Variants in PDE7A observed in about 807,000 individuals in gnomAD.
PDE7A encodes high affinity 3',5'-cyclic-AMP phosphodiesterase 7A.
PDE7A carries 39 observed loss-of-function variants against 64.3 expected under a neutral mutation model. That is an observed-to-expected ratio of 0.61 (90% CI 0.47 to 0.79). The LOEUF is 0.79. Ranked by LOEUF, PDE7A falls within the 30% of genes least tolerant of loss-of-function variation. The pLI is 0.00. For missense variants in PDE7A, 470 were observed against 582.8 expected, an observed-to-expected ratio of 0.81 and a Z score of 1.99; for synonymous variants, 203 against 206.8, an observed-to-expected ratio of 0.98 and a Z score of 0.16.
At chr8:65,784,405 A>C (rs1207078014) in intron 1 of PDE7A, among the ~76,000 whole-genome samples, 1 of 152,202 alleles carries the variant, frequency 6.6e-6, no homozygotes, top group Non-Finnish European at 1.5e-5. Context: ...AAGTGGTGCT[A>C]TCTAGAAAAA....
chr8:65,791,314 T>C (rs1809695709), intron 1 of PDE7A, among the ~76,000 whole-genome samples: 1 of 152,226 alleles, frequency 6.6e-6, no homozygotes, highest in South Asian at 2.1e-4. Flanking sequence ...ACCACTTCTC[T>C]GTGCCTTAAT....
intron 3 of PDE7A, among the ~76,000 whole-genome samples, chr8:65,778,525 C>G (rs1440346036): frequency 6.6e-6 from 1 of 152,186 alleles, no homozygotes; most frequent in Non-Finnish European, 1.5e-5. Context: ...GCAAGCCAAA[C>G]TTGATATATA....
rs116295660 is a variant in PDE7A, at chr8:65,755,372, G to A, written c.284-7569C>T. On this transcript the variant is annotated intron_variant, in intron 3 of 12. Coordinates refer to ENST00000401827, the MANE Select transcript of PDE7A (RefSeq NM_001242318.3). ...TTTTGTTTTGTTTTGTTTTGTTTGT[G>A]CATCATTTTGATTCCCTCCTTTCCT... 3.3e-3 allele frequency among the ~76,000 whole-genome samples: 505 copies of A among 152,074 alleles called. 3 individuals are homozygous for A. The highest frequency in any genetic ancestry group is 0.011 in the African/African-American group (467 of 41,456).
chr8:65,780,570 A>G (rs955277144), intron 2 of PDE7A, among the ~76,000 whole-genome samples: 5 of 152,132 alleles, frequency 3.3e-5, no homozygotes, highest in African/African-American at 1.2e-4. Context: ...TACAGGCATT[A>G]TTTTATTTTC....
At chr8:65,764,262 G>T (rs1304162766) in intron 3 of PDE7A, among the ~76,000 whole-genome samples, 2 of 152,130 alleles carry the variant, frequency 1.3e-5, no homozygotes, top group Non-Finnish European at 2.9e-5. Flanking sequence ...GAAACAACCT[G>T]ATATGACTTC....
intron 3 of PDE7A, among the ~76,000 whole-genome samples, chr8:65,756,338 T>A (rs1808238759): frequency 1.3e-5 from 2 of 152,222 alleles, no homozygotes; most frequent in Non-Finnish European, 2.9e-5. Context: ...TCAAATATTT[T>A]TTTCTGCCCC....
intron 7 of PDE7A, among the ~76,000 whole-genome samples, chr8:65,732,091 C>T (rs1236020264): frequency 6.6e-6 from 1 of 151,978 alleles, no homozygotes; most frequent in African/African-American, 2.4e-5. Context: ...CTCTGCCTCC[C>T]AGGTTCAAGG....
chr8:65,754,889 C>T (rs890223485), intron 3 of PDE7A, among the ~76,000 whole-genome samples: 5 of 149,740 alleles, frequency 3.3e-5, no homozygotes, highest in East Asian at 2.1e-4. Flanking sequence ...CGCCTGAACC[C>T]GGGAGGCGGA....
rs145491301 is a variant in PDE7A at position 65,805,145 on chromosome 8, G to A, written c.139-22302C>T. Among the ~76,000 whole-genome samples, 4 of 152,266 alleles carry A rather than the reference G, an allele frequency of 2.6e-5. 1 individual carries two copies. The East Asian group carries it at 7.7e-4, about 29-fold the overall frequency. On this transcript the variant is annotated intron_variant, in intron 1 of 12. Transcript: ENST00000401827. ...AGGTATAACACTGTGCCCAGCCAAA[G>A]CTGAAAGTTTTAATTCATTGTATGA...
intron 7 of PDE7A, among the ~76,000 whole-genome samples, chr8:65,732,021 C>G (rs1257144225): frequency 1.3e-5 from 2 of 151,746 alleles, no homozygotes; most frequent in East Asian, 3.9e-4. Context: ...TTATTTTAGA[C>G]TGAGTTTCAC....
chr8:65,825,613 A>C lies in PDE7A; in HGVS notation c.138+15758T>G, dbSNP rs188316797. 2.7e-3 allele frequency among the ~76,000 whole-genome samples: 414 copies of C among 152,352 alleles called. 1 individual carries two copies. The highest frequency in any genetic ancestry group is 6.8e-3 in the Middle Eastern group (2 of 294). Reference sequence around the variant, plus strand: ...CAATATTACAAAGGGCAATTCAGAAAGGGTATAAAGATGAAGGTGGAATCT... The same window carrying C: ...CAATATTACAAAGGGCAATTCAGAACGGGTATAAAGATGAAGGTGGAATCT... On this transcript the variant is annotated intron_variant, in intron 1 of 12. Coordinates refer to ENST00000401827, the MANE Select transcript of PDE7A (RefSeq NM_001242318.3).
In PDE7A at chr8:65,718,909, C is replaced by A. The variant is rs896207557; in HGVS notation, c.*381G>T. The A allele has an allele frequency of 1.2e-5, 3 of 250,666 alleles. No homozygotes were observed. The South Asian group carries it at 1.8e-4, about 15-fold the overall frequency. The allele number at this position is 250,666 out of a possible 1,614,324, so 15.5% of individuals were successfully genotyped here. A position where few individuals can be genotyped will look rare whatever the true frequency, so the allele number is the denominator to read the frequency against. On this transcript the variant is annotated 3_prime_UTR_variant, in exon 13 of 13. Transcript: ENST00000401827. ...AACTTAGTGGAAGGTACAAGATACA[C>A]ATTGTTGCATCAGACTGGTTAAATT...
intron 6 of PDE7A, among the ~76,000 whole-genome samples, chr8:65,736,407 C>T (rs966889719): frequency 3.9e-5 from 6 of 152,120 alleles, no homozygotes; most frequent in African/African-American, 1.2e-4. Flanking sequence ...GAGATAAAGG[C>T]GGACTACTGT....
chr8:65,799,870 C>G (rs1015209672), intron 1 of PDE7A, among the ~76,000 whole-genome samples: 1 of 152,192 alleles, frequency 6.6e-6, no homozygotes, highest in African/African-American at 2.4e-5. Flanking sequence ...CCAAAACTCA[C>G]AATTGGTAAC....
intron 1 of PDE7A, among the ~76,000 whole-genome samples, chr8:65,823,629 A>C (rs1810595590): frequency 6.6e-6 from 1 of 152,138 alleles, no homozygotes; most frequent in Non-Finnish European, 1.5e-5. Context: ...CCACATTCTC[A>C]GGTCTAGAAA....
intron 1 of PDE7A, among the ~76,000 whole-genome samples, chr8:65,825,680 A>G (rs1323892355): frequency 3.3e-5 from 5 of 152,214 alleles, no homozygotes; most frequent in African/African-American, 1.2e-4. Flanking sequence ...GGATTCATCC[A>G]AAGGAAAGTT....
chr8:65,795,986 G>GA (rs1809832028), intron 1 of PDE7A, among the ~76,000 whole-genome samples: 1 of 151,518 alleles, frequency 6.6e-6, no homozygotes, highest in Non-Finnish European at 1.5e-5. Context: ...ATCTATAGCT[G>GA]AAAAATACAG....
In PDE7A at chr8:65,740,346, C is replaced by T. The variant is rs530552673; in HGVS notation, c.500-749G>A. Among the ~76,000 whole-genome samples the T allele has an allele frequency of 5.9e-5, 9 of 152,198 alleles. No homozygotes were observed. In the South Asian group the frequency reaches 1.5e-3, roughly 25 times the overall value. Reference sequence around the variant, plus strand: ...TTTCAACATACTTAGTTCCCATCCACCCCCTCATTCTCCACAGCCTCATAT... The same window carrying T: ...TTTCAACATACTTAGTTCCCATCCATCCCCTCATTCTCCACAGCCTCATAT... On this transcript the variant is annotated intron_variant, in intron 5 of 12. Transcript: ENST00000401827.
At chr8:65,751,706 G>A (rs1255460842) in intron 3 of PDE7A, among the ~76,000 whole-genome samples, 1 of 152,132 alleles carries the variant, frequency 6.6e-6, no homozygotes, top group Non-Finnish European at 1.5e-5. Context: ...TGGTCAGGCT[G>A]GTCTCGAACT....
Sources: gnomAD v4.1 joint callset for allele counts (sites outside exome capture counted in the v4.1 genomes callset) on GRCh38, gnomAD v4.1.1 for gene constraint, MANE v1.5 for transcripts, NCBI Gene and HGNC (gene_info 2026-07-23, HGNC 2026-07-21) for gene names.